Variants in CTNNA2 observed in about 807,000 individuals in gnomAD.
CTNNA2 encodes catenin alpha-2.
A neutral mutation model predicts 101.0 loss-of-function variants in CTNNA2; 42 were observed. The observed-to-expected ratio is 0.42, with a 90% confidence interval of 0.32 to 0.54. The LOEUF is 0.54. Ranked by LOEUF, CTNNA2 falls within the 20% of genes least tolerant of loss-of-function variation. The pLI is 0.14. For synonymous variants in CTNNA2, 450 were observed against 456.4 expected (o/e 0.99, Z 0.18); for missense variants, 871 against 1,223.1 (o/e 0.71, Z 4.29).
At chr2:79,340,587 A>C (rs757252750) in intron 3 of CTNNA2, among the ~76,000 whole-genome samples, 1 of 152,140 alleles carries the variant, frequency 6.6e-6, no homozygotes, top group African/African-American at 2.4e-5. Context: ...TAATCCCAGC[A>C]CTTTGGGAGG....
At chr2:79,457,498 A>G (rs936384817) in intron 4 of CTNNA2, among the ~76,000 whole-genome samples, 5 of 152,090 alleles carry the variant, frequency 3.3e-5, no homozygotes, top group Non-Finnish European at 7.4e-5. Flanking sequence ...ATTGGGGGGG[A>G]AATAAAATGT....
chr2:79,558,660 G>C (rs1674587556), intron 1 of CTNNA2, among the ~76,000 whole-genome samples: 1 of 151,894 alleles, frequency 6.6e-6, no homozygotes, highest in African/African-American at 2.4e-5. Flanking sequence ...AGATGACAAG[G>C]ATTTGGACAC....
chr2:79,892,081 C>T (rs1684347483), intron 6 of CTNNA2, among the ~76,000 whole-genome samples: 1 of 151,964 alleles, frequency 6.6e-6, no homozygotes, highest in Non-Finnish European at 1.5e-5. Context: ...TACATGTTTG[C>T]TCTTCTCCCA....
intron 9 of CTNNA2, among the ~76,000 whole-genome samples, chr2:80,465,270 A>C (rs541348412): frequency 1.3e-5 from 2 of 152,326 alleles, no homozygotes; most frequent in South Asian, 4.1e-4. Context: ...GCATTTTGTG[A>C]TCAAGGGGTA....
At chr2:79,718,698 C>T (rs902140630) in intron 2 of CTNNA2, among the ~76,000 whole-genome samples, 8 of 152,122 alleles carry the variant, frequency 5.3e-5, no homozygotes, top group African/African-American at 1.9e-4. Context: ...GAGTAGCCAT[C>T]ATATTTATTT....
chr2:79,671,378 A>G (rs1381601028), intron 2 of CTNNA2, among the ~76,000 whole-genome samples: 1 of 152,116 alleles, frequency 6.6e-6, no homozygotes, highest in African/African-American at 2.4e-5. Flanking sequence ...TTTTTCCCCA[A>G]TACCCTCTGC....
At chr2:79,512,623 C>G (rs1671580142), upstream of CTNNA2, among the ~76,000 whole-genome samples, 1 of 151,556 alleles carries the variant, frequency 6.6e-6, no homozygotes, top group Non-Finnish European at 1.5e-5. Flanking sequence ...GGCCTCGCGA[C>G]TCCGGCGATT....
intron 2 of CTNNA2, among the ~76,000 whole-genome samples, chr2:79,726,599 C>T (rs535272297): frequency 6.6e-6 from 1 of 152,278 alleles, no homozygotes; most frequent in African/African-American, 2.4e-5. Context: ...CCGACACATT[C>T]CCCCGGTGGA....
chr2:79,899,943 A>C (rs1456051390), intron 6 of CTNNA2, among the ~76,000 whole-genome samples: 2 of 152,218 alleles, frequency 1.3e-5, no homozygotes, highest in Admixed American at 1.3e-4. Context: ...CTTGGCACAG[A>C]ATGAAAAAGA....
intron 7 of CTNNA2, among the ~76,000 whole-genome samples, chr2:80,187,818 TA>T (rs112284918): frequency 0.031 from 4,331 of 140,344 alleles, 79 homozygotes; most frequent in African/African-American, 0.068. Flanking sequence ...ATTTAAACAC[TA>T]AAAAAAAAAA....
chr2:80,292,610 A>G lies in CTNNA2; in HGVS notation c.1057-100601A>G, dbSNP rs138822401. 2.7e-4 allele frequency among the ~76,000 whole-genome samples: 41 copies of G among 152,290 alleles called. No individual in the cohort carries two copies. In the East Asian group the frequency reaches 6.8e-3, roughly 25 times the overall value. ...GGAGGTCATGTTTCATAAATGGATC[A>G]AGAAGAAGTGGAGGCCTCTTCTGCA... On this transcript the variant is annotated intron_variant, in intron 7 of 18. Coordinates refer to ENST00000402739, the MANE Select transcript of CTNNA2 (RefSeq NM_001282597.3).
chr2:79,990,689 C>T (rs1211504568), intron 7 of CTNNA2, among the ~76,000 whole-genome samples: 2 of 152,324 alleles, frequency 1.3e-5, no homozygotes, highest in African/African-American at 4.8e-5. Flanking sequence ...GTACATTTCT[C>T]ATGCACCTGT....
intron 15 of CTNNA2, among the ~76,000 whole-genome samples, chr2:80,602,224 T>A (rs1460480223): frequency 6.6e-6 from 1 of 152,058 alleles, no homozygotes; most frequent in East Asian, 1.9e-4. Flanking sequence ...AGTAAGTCTA[T>A]GAACTGTAGT....
At position 80,100,153 on chromosome 2, in the gene CTNNA2, C is replaced by T. The variant is rs920892133; in HGVS notation, c.1056+190356C>T. Among the ~76,000 whole-genome samples, 5 of 152,100 alleles carry T rather than the reference C, an allele frequency of 3.3e-5. No individual in the cohort carries two copies. The East Asian group carries it at 5.8e-4, about 18-fold the overall frequency. Reference sequence around the variant, plus strand: ...TTCACCATGTTGGTCAGGCTGGTCTCGAACTCCTGACCTCAGGTGATCCAC... The same window carrying T: ...TTCACCATGTTGGTCAGGCTGGTCTTGAACTCCTGACCTCAGGTGATCCAC... On this transcript the variant is annotated intron_variant, in intron 7 of 18. Coordinates refer to ENST00000402739, the MANE Select transcript of CTNNA2 (RefSeq NM_001282597.3).
At chr2:79,214,933 C>G (rs540186679) in intron 2 of CTNNA2, among the ~76,000 whole-genome samples, 1 of 151,962 alleles carries the variant, frequency 6.6e-6, no homozygotes, top group African/African-American at 2.4e-5. Flanking sequence ...GGGAAACAGG[C>G]CCTTGAAAAG....
chr2:80,071,807 C>A (rs1698361335), intron 7 of CTNNA2, among the ~76,000 whole-genome samples: 1 of 152,100 alleles, frequency 6.6e-6, no homozygotes, highest in South Asian at 2.1e-4. Flanking sequence ...GAAGTGGTGG[C>A]ACATTTGGTG....
intron 1 of CTNNA2, among the ~76,000 whole-genome samples, chr2:79,570,009 A>G (rs1675364172): frequency 6.6e-6 from 1 of 152,284 alleles, no homozygotes; most frequent in African/African-American, 2.4e-5. Flanking sequence ...GCATTACCTT[A>G]TAATATTTAG....
At chr2:80,615,111 T>C (rs1698746044) in intron 17 of CTNNA2, among the ~76,000 whole-genome samples, 1 of 151,530 alleles carries the variant, frequency 6.6e-6, no homozygotes, top group Non-Finnish European at 1.5e-5. Context: ...TGAAATCATA[T>C]GCTAAAGATT....
intron 7 of CTNNA2, among the ~76,000 whole-genome samples, chr2:79,996,403 G>C (rs951067118): frequency 1.3e-5 from 2 of 152,086 alleles, no homozygotes; most frequent in South Asian, 2.1e-4. Flanking sequence ...ACATAATTCT[G>C]ATTTGAGATC....
Sources: allele counts gnomAD v4.1 joint callset (sites outside exome capture counted in the v4.1 genomes callset), GRCh38; gene constraint gnomAD v4.1.1; transcripts MANE v1.5; gene names NCBI Gene and HGNC (gene_info 2026-07-23, HGNC 2026-07-21).